Variants in IQCB1 observed in about 807,000 individuals in gnomAD.
IQCB1 encodes IQ motif containing B1.
Under a neutral mutation model 84.4 loss-of-function variants are expected in IQCB1, and 56 were observed. The observed-to-expected ratio is 0.66, with a 90% CI of 0.54 to 0.83. IQCB1 has a LOEUF of 0.83. IQCB1 is among the 40% of genes least tolerant of loss of function. The pLI is 0.00. For missense variants in IQCB1, 629 were observed against 682.1 expected, an observed-to-expected ratio of 0.92 and a Z score of 0.87; for synonymous variants, 210 against 234.8, an observed-to-expected ratio of 0.89 and a Z score of 0.96.
rs114492038 is a variant in IQCB1, at chr3:121,798,020, A to G, written c.767-793T>C. On this transcript the variant is annotated intron_variant, in intron 8 of 14. Coordinates refer to ENST00000310864, the MANE Select transcript of IQCB1 (RefSeq NM_001023570.4). ...TTGTAAAATATCTTCAGGAATCTGA[A>G]TAAGTTCTGCTATTGAGATATAAGT... Among the ~76,000 whole-genome samples the G allele has an allele frequency of 4.8e-3, 730 of 152,128 alleles. 7 individuals are homozygous for G. Among genetic ancestry groups the G allele is most frequent in the Non-Finnish European group, 4.7e-3 (320 of 67,866 alleles).
At position 121,772,621 on chromosome 3, in the gene IQCB1, C is replaced by T. The variant is rs1230999262; in HGVS notation, c.1503G>A (p.Glu501=). 1.2e-6 allele frequency: 2 copies of T among 1,614,096 alleles called. No homozygotes were observed. Among genetic ancestry groups the T allele is most frequent in the African/African-American group, 2.7e-5 (2 of 74,928 alleles). ...QHYFMGRALE[E]RAQQHREALI... ...GAGCTTCTCTGTGCTGCTGGGCTCG[C>T]TCTTCTAGGGCCCTGCCCATAAAGT... The change falls in exon 14 of 15, where the codon GAG becomes GAA. Residue 501 remains glutamate (E), a synonymous_variant. Transcript: ENST00000310864.
At chr3:121,821,347 C>T (rs1020760380) in intron 5 of IQCB1, among the ~76,000 whole-genome samples, 18 of 152,176 alleles carry the variant, frequency 1.2e-4, no homozygotes, top group African/African-American at 4.3e-4. Flanking sequence ...ATACTTATTC[C>T]TCTTTCCTGG....
intron 2 of IQCB1, among the ~76,000 whole-genome samples, chr3:121,830,580 C>T (rs922760616): frequency 1.3e-5 from 2 of 152,078 alleles, no homozygotes; most frequent in African/African-American, 2.4e-5. Context: ...GTAGATAGAG[C>T]GTGTGATCAT....
intron 12 of IQCB1, among the ~76,000 whole-genome samples, chr3:121,787,140 A>G (rs1226742562): frequency 6.6e-6 from 1 of 152,006 alleles, no homozygotes; most frequent in Non-Finnish European, 1.5e-5. Context: ...GGAGACAGGC[A>G]TCTCTTCCTG....
chr3:121,780,059 T>C (rs1400338433), intron 13 of IQCB1, among the ~76,000 whole-genome samples: 1 of 152,224 alleles, frequency 6.6e-6, no homozygotes, highest in Non-Finnish European at 1.5e-5. Flanking sequence ...TGGAGAATAC[T>C]CAAGGGGTAG....
intron 5 of IQCB1, among the ~76,000 whole-genome samples, chr3:121,821,169 T>C (rs1920293): frequency 0.64 from 97,694 of 151,800 alleles, 31,923 homozygotes; most frequent in African/African-American, 0.71. Context: ...TCTTGCTATG[T>C]TGCCCAGGTT....
At chr3:121,798,760 T>G (rs1167130469) in intron 8 of IQCB1, among the ~76,000 whole-genome samples, 1 of 151,640 alleles carries the variant, frequency 6.6e-6, no homozygotes, top group South Asian at 2.1e-4. Flanking sequence ...GGTAAGGCAA[T>G]TTTTTTTGTT....
At chr3:121,785,969 G>A (rs1948691882) in intron 12 of IQCB1, among the ~76,000 whole-genome samples, 1 of 149,216 alleles carries the variant, frequency 6.7e-6, no homozygotes. Context: ...AGGAGTTGGA[G>A]ACCACCCTGG....
chr3:121,805,479 A>G (rs1366870029), intron 7 of IQCB1, among the ~76,000 whole-genome samples: 1 of 152,212 alleles, frequency 6.6e-6, no homozygotes, highest in East Asian at 1.9e-4. Flanking sequence ...TATAACCTAC[A>G]ATAAAATTAA....
intron 2 of IQCB1, among the ~76,000 whole-genome samples, chr3:121,831,658 G>A (rs185823902): frequency 2.7e-4 from 41 of 152,270 alleles, no homozygotes; most frequent in African/African-American, 8.7e-4. Context: ...GCTGGTGTCC[G>A]CTGCAGAATT....
At position 121,788,292 on chromosome 3, in the gene IQCB1, G is replaced by C. The variant is rs375556381; in HGVS notation, c.1270C>G (p.Gln424Glu). ...LIEYKAAVTL[Q>E]RAALKFLAKC... ...CACTACATTAGACTCACTGCTCTTT[G>C]AAGTGTGACAGCTGCTTTATACTCT... Residue 424 changes from glutamine (Q) to glutamate (E), a missense_variant, in exon 12 of 15, where the codon CAA (glutamine) becomes GAA (glutamate). Transcript: ENST00000310864. The C allele has an allele frequency of 1.2e-6, 2 of 1,613,802 alleles. No individual in the cohort carries two copies. The highest frequency in any genetic ancestry group is 2.7e-5 in the African/African-American group (2 of 74,920).
At chr3:121,822,360 T>C (rs748699675) in intron 5 of IQCB1, among the ~76,000 whole-genome samples, 12 of 152,168 alleles carry the variant, frequency 7.9e-5, no homozygotes, top group Non-Finnish European at 1.3e-4. Flanking sequence ...TTTATCAACA[T>C]AGGGAAAGAG....
At chr3:121,794,275 T>C (rs1015206040) in intron 10 of IQCB1, among the ~76,000 whole-genome samples, 3 of 152,158 alleles carry the variant, frequency 2.0e-5, no homozygotes, top group Non-Finnish European at 4.4e-5. Context: ...GGACAGAAAA[T>C]GTGCCATATG....
At chr3:121,789,404 A>G (rs76356879) in intron 11 of IQCB1, among the ~76,000 whole-genome samples, 15,605 of 152,178 alleles carry the variant, frequency 0.1, 845 homozygotes, top group South Asian at 0.15. Flanking sequence ...AGAGTAGGTG[A>G]AGATGGAGAC....
chr3:121,789,685 CAAG>C (rs958811327), intron 11 of IQCB1, among the ~76,000 whole-genome samples: 3 of 152,180 alleles, frequency 2.0e-5, no homozygotes, highest in South Asian at 2.1e-4. Context: ...TCAAAGGCGG[CAAG>C]AAGATGTCAC....
rs57816005 is a variant in IQCB1, at chr3:121,781,632, T to TACAC, written c.1410+107_1410+110dup. The stretch of plus-strand genomic sequence containing the variant: ...CATTACCTTATACCAGCAATAAATG[T>TACAC]ACACACACACACACACACACACACA... On this transcript the variant is annotated intron_variant, in intron 13 of 14. Transcript: ENST00000310864. The TACAC allele has an allele frequency of 0.14, 113,254 of 815,114 alleles. 2,696 individuals carry two copies. The highest frequency in any genetic ancestry group is 0.21 in the Middle Eastern group (727 of 3,514). 50.5% of individuals were successfully genotyped at this position (815,114 alleles called of 1,614,324 possible). A position where few individuals can be genotyped will look rare whatever the true frequency, so the allele number is the denominator to read the frequency against.
chr3:121,784,069 C>T (rs1290625150), intron 12 of IQCB1, among the ~76,000 whole-genome samples: 1 of 152,130 alleles, frequency 6.6e-6, no homozygotes, highest in Non-Finnish European at 1.5e-5. Flanking sequence ...ATCTAAAATT[C>T]ATGACATTCA....
intron 10 of IQCB1, among the ~76,000 whole-genome samples, chr3:121,795,109 C>T (rs554468218): frequency 1.1e-4 from 16 of 152,130 alleles, no homozygotes; most frequent in East Asian, 1.9e-4. Flanking sequence ...AACTCTTATA[C>T]GCATACATGT....
At chr3:121,791,654 T>C (rs1948977812) in intron 10 of IQCB1, among the ~76,000 whole-genome samples, 1 of 152,182 alleles carries the variant, frequency 6.6e-6, no homozygotes, top group South Asian at 2.1e-4. Flanking sequence ...TGATAGCAAC[T>C]TGCCTGTTCT....
Sources: gnomAD v4.1 joint callset for allele counts (sites outside exome capture counted in the v4.1 genomes callset) on GRCh38, gnomAD v4.1.1 for gene constraint, MANE v1.5 for transcripts, NCBI Gene and HGNC (gene_info 2026-07-23, HGNC 2026-07-21) for gene names.